The following GRM5 variants were observed in gnomAD, a reference collection of about 807,000 sequenced individuals.
The protein encoded by GRM5 is glutamate metabotropic receptor 5.
A neutral mutation model predicts 83.1 loss-of-function variants in GRM5; 19 were observed. The observed-to-expected ratio is 0.23, with a 90% CI of 0.16 to 0.34. GRM5 has a LOEUF of 0.34. GRM5 is among the 10% of genes least tolerant of loss of function. GRM5 has a pLI of 1.00. For synonymous variants in GRM5, 675 were observed against 633.6 expected, an observed-to-expected ratio of 1.07 and a Z score of -0.98; for missense variants, 1,160 against 1,588.3, an observed-to-expected ratio of 0.73 and a Z score of 4.58.
At chr11:88,610,646 G>C (rs934431850) in intron 4 of GRM5, among the ~76,000 whole-genome samples, 2 of 152,150 alleles carry the variant, frequency 1.3e-5, no homozygotes, top group African/African-American at 4.8e-5. Flanking sequence ...TCTTGGTATA[G>C]ATTCATATCG....
At chr11:88,739,255 C>T (rs565269688) in intron 3 of GRM5, among the ~76,000 whole-genome samples, 6 of 152,078 alleles carry the variant, frequency 3.9e-5, no homozygotes, top group Admixed American at 6.6e-5. Flanking sequence ...ATTCTTCACT[C>T]GAATTCACCA....
At chr11:88,911,124 C>T (rs1013237599) in intron 2 of GRM5, among the ~76,000 whole-genome samples, 1 of 151,830 alleles carries the variant, frequency 6.6e-6, no homozygotes, top group Non-Finnish European at 1.5e-5. Flanking sequence ...CACGTGTTCC[C>T]AAAAGATGAA....
intron 3 of GRM5, among the ~76,000 whole-genome samples, chr11:88,781,890 G>T (rs903632886): frequency 2.6e-5 from 4 of 152,200 alleles, no homozygotes; most frequent in African/African-American, 9.6e-5. Context: ...CAGCATTGCT[G>T]CATGACAGTG....
chr11:88,639,575 G>C (rs1341695458), intron 4 of GRM5, among the ~76,000 whole-genome samples: 1 of 151,484 alleles, frequency 6.6e-6, no homozygotes, highest in East Asian at 1.9e-4. Context: ...TAAGCCTCAT[G>C]ATAATCTGCA....
intron 2 of GRM5, among the ~76,000 whole-genome samples, chr11:88,920,350 C>A (rs12362395): frequency 6.8e-6 from 1 of 146,184 alleles, no homozygotes. Flanking sequence ...ATGAAGAAAT[C>A]TAAAACCTAA....
chr11:88,693,687 C>G (rs1167120110), intron 3 of GRM5, among the ~76,000 whole-genome samples: 1 of 152,124 alleles, frequency 6.6e-6, no homozygotes, highest in Non-Finnish European at 1.5e-5. Flanking sequence ...AGCTCTTTCT[C>G]TAAAAGAATT....
chr11:88,581,414 G>T (rs1363356693), intron 7 of GRM5, among the ~76,000 whole-genome samples: 2 of 152,136 alleles, frequency 1.3e-5, no homozygotes, highest in East Asian at 3.9e-4. Flanking sequence ...GCTTTAAGTC[G>T]CACAATGAGT....
At chr11:88,655,210 G>C (rs910780054) in intron 3 of GRM5, among the ~76,000 whole-genome samples, 1 of 152,026 alleles carries the variant, frequency 6.6e-6, no homozygotes, top group Non-Finnish European at 1.5e-5. Flanking sequence ...CTTCCCTCAA[G>C]TTTCCCATTT....
At chr11:88,745,075 C>A (rs1049109948) in intron 3 of GRM5, among the ~76,000 whole-genome samples, 1 of 151,926 alleles carries the variant, frequency 6.6e-6, no homozygotes, top group African/African-American at 2.4e-5. Context: ...TGTTAAGTGA[C>A]TTCACAAGTT....
chr11:88,693,099 A>G (rs1940818105), intron 3 of GRM5, among the ~76,000 whole-genome samples: 1 of 152,130 alleles, frequency 6.6e-6, no homozygotes, highest in African/African-American at 2.4e-5. Context: ...AAAAGTTTAA[A>G]GCTATACACG....
At chr11:88,920,051 CA>C (rs1357317824) in intron 2 of GRM5, among the ~76,000 whole-genome samples, 1 of 151,906 alleles carries the variant, frequency 6.6e-6, no homozygotes, top group African/African-American at 2.4e-5. Context: ...TAATCCACAT[CA>C]GAGCAGAAGT....
At chr11:88,934,941 G>A (rs541287503) in intron 2 of GRM5, among the ~76,000 whole-genome samples, 4 of 152,038 alleles carry the variant, frequency 2.6e-5, no homozygotes, top group African/African-American at 9.6e-5. Context: ...CTTTCGTGAA[G>A]CAACAGGAAA....
intron 2 of GRM5, among the ~76,000 whole-genome samples, chr11:89,011,661 G>A (rs1243542441): frequency 1.3e-5 from 2 of 152,118 alleles, no homozygotes; most frequent in Admixed American, 1.3e-4. Flanking sequence ...ACTTGATAAG[G>A]CATAAAAATT....
At chr11:88,742,816 T>A (rs1183053283) in intron 3 of GRM5, among the ~76,000 whole-genome samples, 1 of 152,110 alleles carries the variant, frequency 6.6e-6, no homozygotes, top group Non-Finnish European at 1.5e-5. Flanking sequence ...TGATGCCATC[T>A]GGGAAGTGTA....
chr11:88,517,326 A>T (rs1390575250), intron 9 of GRM5, among the ~76,000 whole-genome samples: 1 of 152,124 alleles, frequency 6.6e-6, no homozygotes, highest in Non-Finnish European at 1.5e-5. Context: ...ACATCTTGGT[A>T]AAGCCAAGAT....
At chr11:88,720,807 T>TGTGTGTGTGC (rs1555001312) in intron 3 of GRM5, among the ~76,000 whole-genome samples, 1 of 133,374 alleles carries the variant, frequency 7.5e-6, no homozygotes, top group African/African-American at 2.9e-5. Context: ...TGTGTGTGTG[T>TGTGTGTGTGC]GTGTGTGTGT....
intron 3 of GRM5, among the ~76,000 whole-genome samples, chr11:88,701,858 C>T (rs12799062): frequency 0.12 from 18,595 of 152,036 alleles, 1,501 homozygotes; most frequent in Middle Eastern, 0.19. Context: ...ACTGGGTCAG[C>T]GTGACCTGTA....
chr11:88,960,947 T>C (rs1590999033), intron 2 of GRM5, among the ~76,000 whole-genome samples: 1 of 152,284 alleles, frequency 6.6e-6, no homozygotes, highest in South Asian at 2.1e-4. Context: ...CCCATGATAT[T>C]GATAAGAAAA....
chr11:88,957,303 G>C (rs1293626584), intron 2 of GRM5, among the ~76,000 whole-genome samples: 1 of 152,172 alleles, frequency 6.6e-6, no homozygotes, highest in Non-Finnish European at 1.5e-5. Context: ...ATGGAGAAGA[G>C]ACTAAAGAAC....
Sources: allele counts gnomAD v4.1 joint callset (sites outside exome capture counted in the v4.1 genomes callset), GRCh38; gene constraint gnomAD v4.1.1; transcripts MANE v1.5; gene names NCBI Gene and HGNC (gene_info 2026-07-23, HGNC 2026-07-21).